MSH4: variants seen among roughly 807,000 people sequenced by gnomAD.
The protein encoded by MSH4 is mutS homolog 4.
Under a neutral mutation model 113.7 loss-of-function variants are expected in MSH4, and 106 were observed. The ratio of observed to expected loss-of-function variants is 0.93; its 90% CI spans 0.80 to 1.10. MSH4 has a LOEUF of 1.10. MSH4 is among the 50% of genes least tolerant of loss of function. The probability of loss-of-function intolerance (pLI) is 0.00; values close to 1 mark genes in which losing one functional copy is unlikely to be tolerated. For missense variants in MSH4, 1,061 were observed against 1,093.7 expected (o/e 0.97, Z 0.42); for synonymous variants, 368 against 380.2 (o/e 0.97, Z 0.37).
chr1:75,822,474 G>T lies in MSH4; in HGVS notation c.1055G>T (p.Arg352Leu). 2 of 1,586,972 alleles carry T rather than the reference G, an allele frequency of 1.3e-6. No homozygotes were observed. Among genetic ancestry groups the T allele is most frequent in the Non-Finnish European group, 1.7e-6 (2 of 1,168,874 alleles). ...ACTCCTGGAGGGAGTAGACGACTTC[G>T]TTCTAATATATTAGAGCCTCTAGTT... ...TKTPGGSRRLRSNILEPLVDI... is the reference protein window; with the variant it reads ...TKTPGGSRRLLSNILEPLVDI... The change falls in exon 7 of 20, where the codon CGT (arginine) becomes CTT (leucine). Residue 352 changes from arginine to leucine, a missense_variant. Physicochemically the swap from Arg to Leu is moderately radical, Grantham distance 102. Coordinates refer to ENST00000263187, the MANE Select transcript of MSH4 (RefSeq NM_002440.4).
intron 10 of MSH4, among the ~76,000 whole-genome samples, chr1:75,877,794 A>T (rs1651847639): frequency 6.6e-6 from 1 of 152,130 alleles, no homozygotes; most frequent in Admixed American, 6.5e-5. Flanking sequence ...CATGGTGTAC[A>T]TTGATGTTTA....
chr1:75,835,301 T>C (rs1294602279), intron 7 of MSH4, among the ~76,000 whole-genome samples: 1 of 152,200 alleles, frequency 6.6e-6, no homozygotes, highest in Non-Finnish European at 1.5e-5. Context: ...TATATTCTTT[T>C]TTAAATATGT....
chr1:75,883,993 A>G (rs1161984444), intron 15 of MSH4, among the ~76,000 whole-genome samples, 172 bp downstream of exon 15: 2 of 152,140 alleles, frequency 1.3e-5, no homozygotes, highest in African/African-American at 4.8e-5. Context: ...TTACTATTTG[A>G]TATTTATTAA....
At chr1:75,893,460 T>A (rs1652303769) in intron 17 of MSH4, among the ~76,000 whole-genome samples, 1 of 152,084 alleles carries the variant, frequency 6.6e-6, no homozygotes, top group Non-Finnish European at 1.5e-5. Context: ...CTGATGAACC[T>A]GGGGACATTT....
chr1:75,843,338 T>C (rs966007028), intron 7 of MSH4, among the ~76,000 whole-genome samples: 28 of 152,180 alleles, frequency 1.8e-4, no homozygotes, highest in African/African-American at 6.5e-4. Flanking sequence ...CTACACTCTC[T>C]CGTTGCTGCA....
At position 75,912,890 on chromosome 1, in the gene MSH4, A is replaced by G. The variant is rs756725071; in HGVS notation, c.*3A>G. ...TTCCAGAAAAGACTGAAGAATAATC[A>G]CAATTCTAATGTAATAATATATCTT... On this transcript the variant is annotated 3_prime_UTR_variant, in exon 20 of 20. Coordinates refer to ENST00000263187, the MANE Select transcript of MSH4 (RefSeq NM_002440.4). The G allele has an allele frequency of 1.0e-5, 15 of 1,496,362 alleles. No homozygotes were observed. Among genetic ancestry groups the G allele is most frequent in the African/African-American group, 2.9e-5 (2 of 69,840 alleles). 92.7% of individuals were successfully genotyped at this position (1,496,362 alleles called of 1,614,324 possible).
At chr1:75,911,931 T>A (rs147251775) in intron 19 of MSH4, among the ~76,000 whole-genome samples, 1 of 152,190 alleles carries the variant, frequency 6.6e-6, no homozygotes, top group African/African-American at 2.4e-5. Flanking sequence ...CTCTATCTAG[T>A]TCAGGCAAAG....
At chr1:75,848,122 T>G in intron 7 of MSH4, 87 bp from the exon 8 acceptor site, 1 of 844,664 alleles carries the variant, frequency 1.2e-6, no homozygotes, top group Non-Finnish European at 1.9e-6. Context: ...CTGTTCTATT[T>G]TATTCTTTGA....
intron 10 of MSH4, among the ~76,000 whole-genome samples, chr1:75,877,763 C>T (rs1331690105): frequency 6.6e-6 from 1 of 152,202 alleles, no homozygotes; most frequent in Non-Finnish European, 1.5e-5. Context: ...TGAATCTCTT[C>T]ACCTAGCACA....
intron 8 of MSH4, among the ~76,000 whole-genome samples, chr1:75,860,188 C>T (rs562061066): frequency 6.6e-6 from 1 of 152,220 alleles, no homozygotes; most frequent in East Asian, 1.9e-4. Flanking sequence ...CTGAATACAG[C>T]ATGCTGATGG....
chr1:75,850,127 A>C (rs965888947), intron 8 of MSH4, among the ~76,000 whole-genome samples: 2 of 151,818 alleles, frequency 1.3e-5, no homozygotes, highest in Non-Finnish European at 2.9e-5. Flanking sequence ...CCAACTTTCT[A>C]TTTCATTGGT....
chr1:75,878,842 ATT>A, intron 11 of MSH4, 148 bp from the exon 12 acceptor site: 1 of 644,906 alleles, frequency 1.6e-6, no homozygotes, highest in African/African-American at 1.8e-5. Context: ...AAAAAAAAAA[ATT>A]ATTAGAGTTT....
At chr1:75,822,768 T>C (rs1473961894) in intron 7 of MSH4, among the ~76,000 whole-genome samples, 187 bp downstream of exon 7, 2 of 152,022 alleles carry the variant, frequency 1.3e-5, no homozygotes, top group African/African-American at 4.8e-5. Flanking sequence ...CATTATGTAA[T>C]GTATTTTGAT....
At chr1:75,803,036 G>A (rs1649973904) in intron 1 of MSH4, among the ~76,000 whole-genome samples, 1 of 152,058 alleles carries the variant, frequency 6.6e-6, no homozygotes, top group African/African-American at 2.4e-5. Context: ...TGAAGGCAGA[G>A]CCCTCATGCC....
At chr1:75,885,055 G>GTATATATATA (rs1469516814) in intron 15 of MSH4, among the ~76,000 whole-genome samples, 21 of 102,252 alleles carry the variant, frequency 2.1e-4, no homozygotes, top group African/African-American at 7.8e-4. Context: ...GTGTGTGTGT[G>GTATATATATA]TGTGTATATA....
At chr1:75,826,636 G>A (rs1650560901) in intron 7 of MSH4, among the ~76,000 whole-genome samples, 1 of 152,110 alleles carries the variant, frequency 6.6e-6, no homozygotes, top group Non-Finnish European at 1.5e-5. Context: ...GTTTAGCTGT[G>A]TCCCAGAGAT....
intron 5 of MSH4, among the ~76,000 whole-genome samples, chr1:75,815,510 A>G (rs1012380311): frequency 6.6e-6 from 1 of 152,242 alleles, no homozygotes; most frequent in Non-Finnish European, 1.5e-5. Context: ...GGAGTAAAAC[A>G]CAGGTAAAGC....
At chr1:75,903,108 A>G (rs1652546653) in intron 19 of MSH4, among the ~76,000 whole-genome samples, 1 of 151,848 alleles carries the variant, frequency 6.6e-6, no homozygotes, top group Non-Finnish European at 1.5e-5. Flanking sequence ...TTTTACCCAA[A>G]AAGTCTTTGC....
intron 7 of MSH4, among the ~76,000 whole-genome samples, chr1:75,836,677 T>C (rs1461829063): frequency 1.3e-5 from 2 of 152,236 alleles, no homozygotes; most frequent in African/African-American, 4.8e-5. Flanking sequence ...TATTTGATAC[T>C]GCTGAATATC....
Sources: allele counts gnomAD v4.1 joint callset (sites outside exome capture counted in the v4.1 genomes callset), GRCh38; gene constraint gnomAD v4.1.1; transcripts MANE v1.5; gene names NCBI Gene and HGNC (gene_info 2026-07-23, HGNC 2026-07-21).